MAML1: variants seen among roughly 807,000 people sequenced by gnomAD.
MAML1 encodes mastermind like transcriptional coactivator 1.
In MAML1, 14 loss-of-function variants were observed where a neutral mutation model predicts 77.1. That is an observed-to-expected ratio of 0.18 (90% confidence interval 0.12 to 0.28). The LOEUF (loss-of-function observed/expected upper bound fraction) is 0.28. MAML1 is among the 10% of genes least tolerant of loss of function. The probability of loss-of-function intolerance (pLI) is 1.00; values close to 1 mark genes in which losing one functional copy is unlikely to be tolerated. For missense variants in MAML1, 1,217 were observed against 1,327.8 expected (o/e 0.92, Z 1.30); for synonymous variants, 516 against 551.9 (o/e 0.93, Z 0.91).
intron 1 of MAML1, among the ~76,000 whole-genome samples, chr5:179,742,600 C>T (rs1452517458): frequency 1.3e-5 from 2 of 151,680 alleles, no homozygotes; most frequent in East Asian, 1.9e-4. Context: ...ATCAGGAGTT[C>T]GAGACCAGCC....
intron 1 of MAML1, among the ~76,000 whole-genome samples, chr5:179,745,876 A>AT (rs1779370352): frequency 6.9e-6 from 1 of 145,606 alleles, no homozygotes; most frequent in African/African-American, 2.7e-5. Flanking sequence ...AAAAAAAAAA[A>AT]AAAAAAAATT....
chr5:179,742,088 G>T (rs968593212), intron 1 of MAML1, among the ~76,000 whole-genome samples: 3 of 151,418 alleles, frequency 2.0e-5, no homozygotes, highest in Non-Finnish European at 1.5e-5. Context: ...TGCCAGATTG[G>T]TCTCGAACTC....
At chr5:179,740,518 C>T (rs753360452) in intron 1 of MAML1, among the ~76,000 whole-genome samples, 6 of 151,984 alleles carry the variant, frequency 3.9e-5, no homozygotes, top group African/African-American at 7.3e-5. Flanking sequence ...CCTCGTGATC[C>T]GCCCATCTCG....
At chr5:179,742,234 A>C (rs982234123) in intron 1 of MAML1, among the ~76,000 whole-genome samples, 1 of 150,754 alleles carries the variant, frequency 6.6e-6, no homozygotes, top group African/African-American at 2.4e-5. Context: ...CATGCCTGTA[A>C]TCCCAGCACT....
chr5:179,735,462 A>G (rs1182781346), intron 1 of MAML1, among the ~76,000 whole-genome samples: 1 of 152,134 alleles, frequency 6.6e-6, no homozygotes, highest in Non-Finnish European at 1.5e-5. Flanking sequence ...ATCTAGGGTC[A>G]CAGCAATCTC....
At position 179,775,034 on chromosome 5, in the gene MAML1, G is replaced by A; in HGVS notation, c.*157G>A. 7.0e-7 allele frequency: 1 copy of A among 1,437,284 alleles called. No individual in the cohort carries two copies. Among genetic ancestry groups the A allele is most frequent in the Non-Finnish European group, 9.1e-7 (1 of 1,101,458 alleles). 89.0% of individuals were successfully genotyped at this position (1,437,284 alleles called of 1,614,324 possible). On this transcript the variant is annotated 3_prime_UTR_variant, in exon 5 of 5. Transcript: ENST00000292599. Reference sequence around the variant, plus strand: ...TGAGGCCTGGCCCTGGGCAGGGTCTGTGGCTGCGCCCCTCAGGCCAGCAGT... The same window carrying A: ...TGAGGCCTGGCCCTGGGCAGGGTCTATGGCTGCGCCCCTCAGGCCAGCAGT...
rs1449037147 is a variant in MAML1 at position 179,768,932 on chromosome 5, CCCA to C, written c.1816_1818del (p.His606del). ...CCGCCTGCCGTGTCCGTGGCCAGCTCCCACAACAGCTCCCCCTATCTCAGCAGC... is the reference window on the plus strand; with the variant it reads ...CCGCCTGCCGTGTCCGTGGCCAGCTCCAACAGCTCCCCCTATCTCAGCAGC... On this transcript the variant is annotated inframe_deletion, in exon 3 of 5. Transcript: ENST00000292599. The C allele has an allele frequency of 6.2e-7, 1 of 1,614,062 alleles. No homozygotes were observed. Among genetic ancestry groups the C allele is most frequent in the Non-Finnish European group, 8.5e-7 (1 of 1,180,050 alleles).
At position 179,775,124 on chromosome 5, in the gene MAML1, A is replaced by G. The variant is rs1756106609; in HGVS notation, c.*247A>G. On this transcript the variant is annotated 3_prime_UTR_variant, in exon 5 of 5. Coordinates refer to ENST00000292599, the MANE Select transcript of MAML1 (RefSeq NM_014757.5). ...CAGTACCTGGTGTTGGGACAGCAGG[A>G]TAGGGTTCTAAAGGTGGTTTTCTAT... 1.6e-6 allele frequency: 2 copies of G among 1,282,996 alleles called. No individual in the cohort carries two copies. Among genetic ancestry groups the G allele is most frequent in the Non-Finnish European group, 9.9e-7 (1 of 1,013,316 alleles). The allele number at this position is 1,282,996 out of a possible 1,614,324, so 79.5% of individuals were successfully genotyped here. A position where few individuals can be genotyped will look rare whatever the true frequency, so the allele number is the denominator to read the frequency against.
rs1473484687 is a variant in MAML1 at position 179,768,836 on chromosome 5, A to C, written c.1732-14A>C. 1 of 1,613,750 alleles carries C rather than the reference A, an allele frequency of 6.2e-7. No individual in the cohort carries two copies. Among genetic ancestry groups the C allele is most frequent in the Non-Finnish European group, 8.5e-7 (1 of 1,179,806 alleles). On this transcript the variant is annotated splice_polypyrimidine_tract_variant and intron_variant, in intron 2 of 4. Transcript: ENST00000292599. ...GAGCTTAGAGACTTCACAGTCCCCT[A>C]TCTGTGTTGACAGGAGCAGAACCCT...
chr5:179,772,893 C>A lies in MAML1; in HGVS notation c.2069-1002C>A, dbSNP rs181105204. ...CACTCTTGGGCTTTACAACCCTGTT[C>A]TTTGTTTGTTTGTTTGAGACAGAGT... is the stretch of plus-strand genomic sequence containing the variant. On this transcript the variant is annotated intron_variant, in intron 4 of 4. Transcript: ENST00000292599. Among the ~76,000 whole-genome samples, 203 of 152,208 alleles carry A rather than the reference C, an allele frequency of 1.3e-3. 1 individual carries two copies. Among genetic ancestry groups the A allele is most frequent in the Non-Finnish European group, 1.0e-3 (68 of 67,996 alleles).
chr5:179,766,893 T>C lies in MAML1; in HGVS notation c.1731+152T>C. 1.7e-6 allele frequency: 1 copy of C among 581,968 alleles called. No individual in the cohort carries two copies. Among genetic ancestry groups the C allele is most frequent in the Non-Finnish European group, 2.8e-6 (1 of 361,652 alleles). 36.1% of individuals were successfully genotyped at this position (581,968 alleles called of 1,614,324 possible). A position where few individuals can be genotyped will look rare whatever the true frequency, so the allele number is the denominator to read the frequency against. On this transcript the variant is annotated intron_variant, in intron 2 of 4. Coordinates refer to ENST00000292599, the MANE Select transcript of MAML1 (RefSeq NM_014757.5). The surrounding 1 kb of genome is among the most constrained non-coding windows in gnomAD (Gnocchi z 4.0). The stretch of plus-strand genomic sequence containing the variant: ...CCTTGCTCCTCTTGGGAGTGGAAAT[T>C]TATAAAATAAACCAGGGTTGATTGT...
intron 1 of MAML1, among the ~76,000 whole-genome samples, chr5:179,737,670 A>C (rs1325742859): frequency 6.8e-6 from 1 of 147,342 alleles, no homozygotes; most frequent in Non-Finnish European, 1.5e-5. Flanking sequence ...TTCACTTCAG[A>C]TTATTGTTTT....
chr5:179,735,031 T>C (rs1373588355), intron 1 of MAML1, among the ~76,000 whole-genome samples: 1 of 152,048 alleles, frequency 6.6e-6, no homozygotes, highest in Non-Finnish European at 1.5e-5. Context: ...GAAAATACAG[T>C]ATTTCGGGGG....
intron 1 of MAML1, among the ~76,000 whole-genome samples, chr5:179,739,585 G>A (rs981998257): frequency 1.3e-5 from 2 of 152,200 alleles, no homozygotes; most frequent in African/African-American, 2.4e-5. Flanking sequence ...TCGGGAGACC[G>A]AAGTAGGAGG....
At chr5:179,767,691 G>A (rs1779847733) in intron 2 of MAML1, among the ~76,000 whole-genome samples, 1 of 152,208 alleles carries the variant, frequency 6.6e-6, no homozygotes, top group Non-Finnish European at 1.5e-5. Flanking sequence ...GAGAGGCTCA[G>A]CTGCACACAG....
intron 1 of MAML1, among the ~76,000 whole-genome samples, chr5:179,739,808 T>G (rs72809781): frequency 0.024 from 3,599 of 152,308 alleles, 75 homozygotes; most frequent in Non-Finnish European, 0.037. Flanking sequence ...TTGCAAATAC[T>G]AGGCCATTTT....
chr5:179,753,663 T>TTA lies in MAML1; in HGVS notation c.316-11662_316-11661insAT, dbSNP rs200858709. 5.8e-3 allele frequency among the ~76,000 whole-genome samples: 732 copies of TTA among 125,134 alleles called. 49 individuals carry two copies. In the East Asian group the frequency reaches 0.14, roughly 24 times the overall value. 82.1% of individuals were successfully genotyped at this position (125,134 alleles called of 152,430 possible). On this transcript the variant is annotated intron_variant, in intron 1 of 4. Transcript: ENST00000292599. ...TTTTATTATTATTATTATTTTTTTT[T>TTA]TTTTTTTTTTTTTTGAGGCAGAGTT...
chr5:179,744,933 G>A (rs1779351049), intron 1 of MAML1, among the ~76,000 whole-genome samples: 1 of 147,922 alleles, frequency 6.8e-6, no homozygotes, highest in Non-Finnish European at 1.5e-5. Context: ...ACTGAGCCTT[G>A]CTCTGTTGCC....
chr5:179,764,883 G>C (rs1218168957), intron 1 of MAML1, among the ~76,000 whole-genome samples: 1 of 152,140 alleles, frequency 6.6e-6, no homozygotes, highest in Non-Finnish European at 1.5e-5. Context: ...AGAATTGATT[G>C]AACTCAGGAG....
Sources: allele counts gnomAD v4.1 joint callset (sites outside exome capture counted in the v4.1 genomes callset), GRCh38; gene constraint gnomAD v4.1.1; non-coding constraint Gnocchi (gnomAD v3.1); transcripts MANE v1.5; gene names NCBI Gene and HGNC (gene_info 2026-07-23, HGNC 2026-07-21).